The following ICE2 variants were observed in gnomAD, a reference collection of about 807,000 sequenced individuals.
The protein encoded by ICE2 is interactor of little elongation complex ELL subunit 2.
A neutral mutation model predicts 105.4 loss-of-function variants in ICE2; 87 were observed. That is an observed-to-expected ratio of 0.83 (90% CI 0.69 to 0.99). The LOEUF is 0.99. Ranked by LOEUF, ICE2 falls within the 50% of genes least tolerant of loss-of-function variation. The pLI is 0.00. For missense variants in ICE2, 1,323 were observed against 1,146.7 expected (o/e 1.15, Z -2.22); for synonymous variants, 399 against 392.0 (o/e 1.02, Z -0.21).
intron 12 of ICE2, among the ~76,000 whole-genome samples, chr15:60,437,318 C>T (rs2063616972): frequency 6.6e-6 from 1 of 151,486 alleles, no homozygotes; most frequent in Admixed American, 6.6e-5. Flanking sequence ...AAAAAAAAAT[C>T]AAAGCAGTCA....
chr15:60,468,236 AC>A lies in ICE2; in HGVS notation c.232del (p.Val78LeufsTer50). 1 of 1,613,968 alleles carries A rather than the reference AC, an allele frequency of 6.2e-7. No individual in the cohort carries two copies. Among genetic ancestry groups the A allele is most frequent in the Non-Finnish European group, 8.5e-7 (1 of 1,179,898 alleles). ...AAGAACCATTCCAATTGTGGTTTTAACTTTTTCCTTTGCTTGAGTTGCTGAA... is the reference window on the plus strand; with the variant it reads ...AAGAACCATTCCAATTGTGGTTTTAATTTTTCCTTTGCTTGAGTTGCTGAA... ...VSSATQAKEKVKTTIGMVLLP... is the reference protein window; with the variant it reads ...VSSATQAKEKXKTTIGMVLLP... On this transcript the variant is annotated frameshift_variant, in exon 4 of 16. Coordinates refer to ENST00000261520, the MANE Select transcript of ICE2 (RefSeq NM_024611.6). LOFTEE classifies it high-confidence loss of function.
At chr15:60,436,457 T>C (rs1445327304) in intron 12 of ICE2, among the ~76,000 whole-genome samples, 1 of 151,814 alleles carries the variant, frequency 6.6e-6, no homozygotes, top group African/African-American at 2.4e-5. Context: ...ATTTGCTGAA[T>C]ATATGTTTAC....
rs80208063 is a variant in ICE2, at chr15:60,445,161, G to C, written c.2296-2616C>G. Reference sequence around the variant, plus strand: ...AAATAAAGAAGAGATGAGGTTCTTGGACAGCAGAGGTTGAAGACACTTCTA... The same window carrying C: ...AAATAAAGAAGAGATGAGGTTCTTGCACAGCAGAGGTTGAAGACACTTCTA... On this transcript the variant is annotated intron_variant, in intron 11 of 15. Transcript: ENST00000261520. 2.1e-3 allele frequency among the ~76,000 whole-genome samples: 322 copies of C among 152,306 alleles called. 2 individuals carry two copies. In the East Asian group the frequency reaches 0.026, roughly 12 times the overall value.
chr15:60,420,176 TTAAC>T lies in ICE2; in HGVS notation c.*3454_*3457del, dbSNP rs747920532. 7 of 151,918 alleles carry T rather than the reference TTAAC, an allele frequency of 4.6e-5. No homozygotes were observed. The highest frequency in any genetic ancestry group is 1.5e-4 in the African/African-American group (6 of 41,344). The allele number at this position is 151,918 out of a possible 1,614,324, so 9.4% of individuals were successfully genotyped here. A position where few individuals can be genotyped will look rare whatever the true frequency, so the allele number is the denominator to read the frequency against. ...TAAAAAAAAAAATGAACATTTTAAA[TTAAC>T]TTTCTTCCCACTCTAACCACACTAT... On this transcript the variant is annotated 3_prime_UTR_variant, in exon 16 of 16. Coordinates refer to ENST00000261520, the MANE Select transcript of ICE2 (RefSeq NM_024611.6).
Position 60,449,243 on chromosome 15 carries a change from T to A in ICE2, c.1724A>T (p.Glu575Val). The change falls in exon 10 of 16, where the codon GAG becomes GTG. Residue 575 changes from glutamate to valine, a missense_variant. Glu to Val is a moderately radical substitution (Grantham distance 121). Coordinates refer to ENST00000261520, the MANE Select transcript of ICE2 (RefSeq NM_024611.6). ...TTCTGTATCAATGATTAAACACTCC[T>A]CATCTGTATCACTGCTGCAGAGAAC... is the stretch of plus-strand genomic sequence containing the variant. ...DTVLCSSDTD[E>V]ECLIIDTECK... 1 of 1,613,892 alleles carries A rather than the reference T, an allele frequency of 6.2e-7. No individual in the cohort carries two copies. The highest frequency in any genetic ancestry group is 1.1e-5 in the South Asian group (1 of 91,074).
intron 6 of ICE2, among the ~76,000 whole-genome samples, chr15:60,455,776 C>T (rs894988208): frequency 1.3e-5 from 2 of 152,066 alleles, no homozygotes; most frequent in Admixed American, 6.6e-5. Context: ...TGCCAGCATG[C>T]CCAGCTAATT....
chr15:60,449,713 A>G lies in ICE2; in HGVS notation c.1254T>C (p.Ser418=). The G allele has an allele frequency of 6.2e-7, 1 of 1,614,096 alleles. No individual in the cohort carries two copies. Among genetic ancestry groups the G allele is most frequent in the Non-Finnish European group, 8.5e-7 (1 of 1,180,016 alleles). The change falls in exon 10 of 16, where the codon AGT becomes AGC. Residue 418 remains serine (S), a synonymous_variant. Transcript: ENST00000261520. The part of the protein sequence containing the change: ...VTTTKVSKSP[S]PASTSTVPNM... Reference sequence around the variant, plus strand: ...TAGGTACTGTGGAAGTACTTGCTGGACTTGGTGATTTTGATACTTTGGTGG... The same window carrying G: ...TAGGTACTGTGGAAGTACTTGCTGGGCTTGGTGATTTTGATACTTTGGTGG...
chr15:60,439,070 A>G (rs1274058798), intron 12 of ICE2: 1 of 152,260 alleles, frequency 6.6e-6, no homozygotes, highest in Non-Finnish European at 1.5e-5. Flanking sequence ...GTGTATAGGT[A>G]GGTACTCCTT....
intron 3 of ICE2, among the ~76,000 whole-genome samples, chr15:60,470,430 T>A (rs895755393): frequency 6.6e-6 from 1 of 152,104 alleles, no homozygotes; most frequent in Admixed American, 6.5e-5. Flanking sequence ...TGGAAGCCTG[T>A]AGGTGTATTT....
At chr15:60,430,724 T>C (rs949433498) in intron 14 of ICE2, among the ~76,000 whole-genome samples, 3 of 152,218 alleles carry the variant, frequency 2.0e-5, no homozygotes, top group Non-Finnish European at 4.4e-5. Context: ...TTTGAGATTT[T>C]GACTGTAAGT....
At chr15:60,427,277 T>C (rs1233885506) in intron 15 of ICE2, among the ~76,000 whole-genome samples, 1 of 152,240 alleles carries the variant, frequency 6.6e-6, no homozygotes, top group Non-Finnish European at 1.5e-5. Context: ...ACACAAGTGA[T>C]AGATGCTCTG....
intron 11 of ICE2, chr15:60,445,500 T>G: frequency 1.2e-6 from 1 of 865,214 alleles, no homozygotes; most frequent in Non-Finnish European, 1.4e-6. Context: ...ACGGGGGCAA[T>G]GTAAGCATTC....
At chr15:60,451,508 CA>C in intron 9 of ICE2, 2 of 984,764 alleles carry the variant, frequency 2.0e-6, no homozygotes, top group East Asian at 1.1e-4. Context: ...CCACAGAAAT[CA>C]AAATAATTCC....
intron 14 of ICE2, among the ~76,000 whole-genome samples, chr15:60,431,597 T>C (rs537952003): frequency 6.6e-5 from 10 of 152,200 alleles, no homozygotes. Flanking sequence ...CCTTGACTTT[T>C]ACCCGGTAAA....
At chr15:60,447,851 A>AAAAC in intron 11 of ICE2, 119 bp downstream of exon 11, 3 of 822,644 alleles carry the variant, frequency 3.6e-6, no homozygotes, top group Non-Finnish European at 5.6e-6. Context: ...CAAAAAACAA[A>AAAAC]ACTCAACCTG....
chr15:60,463,788 A>T (rs975901014), intron 5 of ICE2, among the ~76,000 whole-genome samples: 1 of 152,154 alleles, frequency 6.6e-6, no homozygotes, highest in Non-Finnish European at 1.5e-5. Flanking sequence ...AAGAAAAAAA[A>T]ATCCCAACAA....
intron 15 of ICE2, among the ~76,000 whole-genome samples, chr15:60,424,880 GGAGAAGGCCAATCTCACA>G (rs2063307726): frequency 6.6e-6 from 1 of 152,196 alleles, no homozygotes; most frequent in Non-Finnish European, 1.5e-5. Flanking sequence ...AAACAGTAAT[GGAGAAGGCCAATCTCACA>G]GAGAAGGACC....
chr15:60,426,096 T>C (rs1008267332), intron 15 of ICE2, among the ~76,000 whole-genome samples: 7 of 152,204 alleles, frequency 4.6e-5, no homozygotes, highest in Non-Finnish European at 2.9e-5. Context: ...GTGATACACA[T>C]GTAATTGAAC....
chr15:60,419,849 C>T lies in ICE2; in HGVS notation c.*3785G>A, dbSNP rs2063225113. The T allele has an allele frequency of 7.2e-5, 11 of 152,134 alleles. No individual in the cohort carries two copies. The highest frequency in any genetic ancestry group is 7.2e-4 in the Admixed American group (11 of 15,262). 9.4% of individuals were successfully genotyped at this position (152,134 alleles called of 1,614,324 possible). A position where few individuals can be genotyped will look rare whatever the true frequency, so the allele number is the denominator to read the frequency against. On this transcript the variant is annotated 3_prime_UTR_variant, in exon 16 of 16. Transcript: ENST00000261520. ...AAAAGTTAAAGTTTTCTTTCCTCTC[C>T]CTCCCCTAAACCTGTTCATAGCATA... is the stretch of plus-strand genomic sequence containing the variant.
Sources: gnomAD v4.1 joint callset for allele counts (sites outside exome capture counted in the v4.1 genomes callset) on GRCh38, gnomAD v4.1.1 for gene constraint, MANE v1.5 for transcripts, NCBI Gene and HGNC (gene_info 2026-07-23, HGNC 2026-07-21) for gene names.